ACSS3: variants seen among roughly 807,000 people sequenced by gnomAD.
ACSS3 encodes acyl-CoA synthetase short-chain family member 3, mitochondrial.
Under a neutral mutation model 84.2 loss-of-function variants are expected in ACSS3, and 64 were observed. The ratio of observed to expected loss-of-function variants is 0.76; its 90% CI spans 0.62 to 0.94. The LOEUF (loss-of-function observed/expected upper bound fraction) is 0.94. ACSS3 is among the 40% of genes least tolerant of loss of function. The pLI is 0.00. For missense variants in ACSS3, 815 were observed against 867.6 expected, an observed-to-expected ratio of 0.94 and a Z score of 0.76; for synonymous variants, 317 against 310.1, an observed-to-expected ratio of 1.02 and a Z score of -0.23.
Position 81,253,280 on chromosome 12 carries a change from C to A in ACSS3, c.1720-27C>A, listed in dbSNP as rs201993701. 7.0e-5 allele frequency: 111 copies of A among 1,585,442 alleles called. No homozygotes were observed. In the East Asian group the frequency reaches 2.3e-3, roughly 33 times the overall value. ...TACATATATGGTAAATAAATGTATT[C>A]TAAATGAATGCCTTTCCTTATTACA... On this transcript the variant is annotated intron_variant, in intron 13 of 15. Coordinates refer to ENST00000548058, the MANE Select transcript of ACSS3 (RefSeq NM_024560.4).
intron 1 of ACSS3, among the ~76,000 whole-genome samples, chr12:81,100,001 T>C (rs1273320774): frequency 6.6e-6 from 1 of 152,076 alleles, no homozygotes; most frequent in Admixed American, 6.6e-5. Context: ...CATGCCCCAG[T>C]CTCACTAATT....
chr12:81,204,290 T>C (rs992748365), intron 9 of ACSS3, among the ~76,000 whole-genome samples: 1 of 150,688 alleles, frequency 6.6e-6, no homozygotes, highest in Non-Finnish European at 1.5e-5. Flanking sequence ...CCTCCTCTTC[T>C]TCCTTCCTCC....
intron 4 of ACSS3, among the ~76,000 whole-genome samples, chr12:81,140,368 C>A (rs1252758885): frequency 6.7e-6 from 1 of 148,288 alleles, no homozygotes; most frequent in Non-Finnish European, 1.5e-5. Context: ...TATGATAAGA[C>A]CAACTTGGGT....
intron 13 of ACSS3, among the ~76,000 whole-genome samples, chr12:81,244,381 C>A (rs1309668115): frequency 6.6e-6 from 1 of 151,802 alleles, no homozygotes; most frequent in Non-Finnish European, 1.5e-5. Flanking sequence ...ATGTTTTCTG[C>A]AATTCCTGGA....
chr12:81,241,179 G>T (rs1313849833), intron 13 of ACSS3, among the ~76,000 whole-genome samples: 1 of 151,924 alleles, frequency 6.6e-6, no homozygotes, highest in Non-Finnish European at 1.5e-5. Flanking sequence ...CATTTTTTAT[G>T]GCTGCATAGT....
At chr12:81,249,307 A>G (rs940343653) in intron 13 of ACSS3, among the ~76,000 whole-genome samples, 1 of 152,066 alleles carries the variant, frequency 6.6e-6, no homozygotes, top group Non-Finnish European at 1.5e-5. Context: ...GCGTTTTCAT[A>G]CAAAGAAATG....
Position 81,216,973 on chromosome 12 carries a change from GA to G in ACSS3, c.1432del (p.Ser478AlafsTer8). On this transcript the variant is annotated frameshift_variant, in exon 10 of 16. Transcript: ENST00000548058. LOFTEE classifies it high-confidence loss of function. ...NSKTPPPGQA[G>X]KSVPGYNVMI... ...AAAACACCTCCACCAGGGCAAGCAGGAAAAAGCGTCCCAGGATACAATGGTA... is the reference window on the plus strand; with the variant it reads ...AAAACACCTCCACCAGGGCAAGCAGGAAAAGCGTCCCAGGATACAATGGTA... 1 of 1,610,640 alleles carries G rather than the reference GA, an allele frequency of 6.2e-7. No homozygotes were observed.
chr12:81,236,077 G>C (rs2033621477), intron 13 of ACSS3, among the ~76,000 whole-genome samples: 9 of 151,406 alleles, frequency 5.9e-5, no homozygotes, highest in Admixed American at 5.9e-4. Flanking sequence ...CAAGAATGGT[G>C]CTAACTGTAG....
intron 8 of ACSS3, among the ~76,000 whole-genome samples, chr12:81,175,189 C>G (rs889587280): frequency 6.6e-6 from 1 of 152,004 alleles, no homozygotes. Flanking sequence ...TTTAAAATCA[C>G]TCTTGTTATA....
At chr12:81,207,295 C>G (rs2032388777) in intron 9 of ACSS3, among the ~76,000 whole-genome samples, 1 of 152,094 alleles carries the variant, frequency 6.6e-6, no homozygotes, top group Admixed American at 6.6e-5. Flanking sequence ...CCTACTGCCC[C>G]CACAAAACAA....
chr12:81,233,318 C>A, intron 12 of ACSS3, 31 bp from the exon 13 acceptor site: 1 of 1,602,178 alleles, frequency 6.2e-7, no homozygotes. Context: ...ACAGTACATG[C>A]TAATCAAATG....
At chr12:81,211,071 A>C (rs2032571827) in intron 9 of ACSS3, among the ~76,000 whole-genome samples, 1 of 152,192 alleles carries the variant, frequency 6.6e-6, no homozygotes, top group East Asian at 1.9e-4. Context: ...GACTCAAGTG[A>C]TCCTCCCACC....
intron 11 of ACSS3, among the ~76,000 whole-genome samples, chr12:81,221,388 T>C (rs892510931): frequency 6.6e-6 from 1 of 152,094 alleles, no homozygotes; most frequent in Admixed American, 6.6e-5. Context: ...TACTTGGCAT[T>C]CTGAGATTGG....
chr12:81,124,357 C>T (rs1324481528), intron 2 of ACSS3: 1 of 151,994 alleles, frequency 6.6e-6, no homozygotes, highest in Non-Finnish European at 1.5e-5. Flanking sequence ...TTCTGTTATC[C>T]GGGTTAGGTT....
intron 8 of ACSS3, among the ~76,000 whole-genome samples, chr12:81,189,332 G>T (rs920060289): frequency 3.9e-5 from 6 of 152,096 alleles, no homozygotes; most frequent in African/African-American, 1.4e-4. Context: ...GTGTGTGATT[G>T]TTCTAGAGTT....
intron 2 of ACSS3, among the ~76,000 whole-genome samples, chr12:81,117,097 C>T (rs1284367891): frequency 2.6e-5 from 4 of 152,104 alleles, no homozygotes; most frequent in African/African-American, 9.7e-5. Flanking sequence ...GAATTATCTT[C>T]AGGGTGGCTA....
At chr12:81,229,572 T>G (rs1256476407) in intron 11 of ACSS3, among the ~76,000 whole-genome samples, 1 of 151,932 alleles carries the variant, frequency 6.6e-6, no homozygotes, top group East Asian at 1.9e-4. Flanking sequence ...ATTTACATAA[T>G]AAGCTCAGTT....
intron 2 of ACSS3, among the ~76,000 whole-genome samples, chr12:81,114,297 A>C (rs968795979): frequency 6.6e-6 from 1 of 152,140 alleles, no homozygotes; most frequent in Non-Finnish European, 1.5e-5. Flanking sequence ...GTAACTATAA[A>C]GGTCAAAAAA....
At chr12:81,167,935 G>A (rs144696969) in intron 7 of ACSS3, among the ~76,000 whole-genome samples, 6 of 152,240 alleles carry the variant, frequency 3.9e-5, no homozygotes, top group African/African-American at 7.2e-5. Flanking sequence ...CAACTATGTG[G>A]GACCTACCAC....
Sources: gnomAD v4.1 joint callset for allele counts (sites outside exome capture counted in the v4.1 genomes callset) on GRCh38, gnomAD v4.1.1 for gene constraint, MANE v1.5 for transcripts, NCBI Gene and HGNC (gene_info 2026-07-23, HGNC 2026-07-21) for gene names.